CACNB4: variants seen among roughly 807,000 people sequenced by gnomAD.
The protein encoded by CACNB4 is voltage-dependent L-type calcium channel subunit beta-4.
In CACNB4, 32 loss-of-function variants were observed where a neutral mutation model predicts 71.2. That is an observed-to-expected ratio of 0.45 (90% confidence interval 0.34 to 0.60). The LOEUF (loss-of-function observed/expected upper bound fraction) is 0.60, where lower values mean the gene tolerates loss of function less well. Among genes scored for constraint, CACNB4 ranks in the 20% least tolerant of loss-of-function variants. CACNB4 has a pLI of 0.01. For synonymous variants in CACNB4, 231 were observed against 236.9 expected, an observed-to-expected ratio of 0.97 and a Z score of 0.23; for missense variants, 464 against 647.9, an observed-to-expected ratio of 0.72 and a Z score of 3.08.
In CACNB4 at chr2:152,092,200, A is replaced by T. The variant is rs540621290; in HGVS notation, c.147+6130T>A. Among the ~76,000 whole-genome samples the T allele has an allele frequency of 1.7e-4, 26 of 152,342 alleles. No homozygotes were observed. The East Asian group carries it at 4.2e-3, about 25-fold the overall frequency. On this transcript the variant is annotated intron_variant, in intron 2 of 13. Transcript: ENST00000539935. ...AGAGACTGAAGTATTTTCTTTCTGC[A>T]ATCTCTTCCTGTTCTAAAATTCTGT...
chr2:151,840,616 A>T (rs773185192), intron 13 of CACNB4, among the ~76,000 whole-genome samples: 1 of 152,220 alleles, frequency 6.6e-6, no homozygotes, highest in Non-Finnish European at 1.5e-5. Flanking sequence ...TGTGCTGTAC[A>T]TTACCACAGT....
intron 2 of CACNB4, among the ~76,000 whole-genome samples, chr2:151,998,055 G>C (rs1682164280): frequency 6.6e-6 from 1 of 152,096 alleles, no homozygotes; most frequent in South Asian, 2.1e-4. Context: ...GGGCATGGTG[G>C]CTCATGTCTG....
intron 2 of CACNB4, among the ~76,000 whole-genome samples, chr2:152,025,955 T>C (rs1349818637): frequency 1.3e-5 from 2 of 152,348 alleles, no homozygotes; most frequent in African/African-American, 2.4e-5. Context: ...GGTTGCTCCA[T>C]CTATCTCCGT....
At chr2:152,007,595 T>C (rs1402921794) in intron 2 of CACNB4, among the ~76,000 whole-genome samples, 1 of 152,236 alleles carries the variant, frequency 6.6e-6, no homozygotes, top group African/African-American at 2.4e-5. Context: ...ATGTGTATCC[T>C]ACATTTTCTT....
intron 2 of CACNB4, among the ~76,000 whole-genome samples, chr2:152,056,824 G>A (rs1685754930): frequency 6.6e-6 from 1 of 152,150 alleles, no homozygotes; most frequent in Non-Finnish European, 1.5e-5. Flanking sequence ...TATGGATACT[G>A]TTACCTCCAA....
At chr2:152,021,649 C>T (rs1412096127) in intron 2 of CACNB4, among the ~76,000 whole-genome samples, 8 of 152,146 alleles carry the variant, frequency 5.3e-5, no homozygotes, top group African/African-American at 1.7e-4. Flanking sequence ...TTTTCCCCTT[C>T]TCATACGTAT....
intron 2 of CACNB4, among the ~76,000 whole-genome samples, chr2:152,023,392 A>C (rs1429474147): frequency 6.6e-6 from 1 of 152,056 alleles, no homozygotes; most frequent in Admixed American, 6.6e-5. Flanking sequence ...AGTTTGGACA[A>C]AGAGAATGCG....
At chr2:151,989,667 T>C (rs187989490) in intron 2 of CACNB4, among the ~76,000 whole-genome samples, 88 of 152,326 alleles carry the variant, frequency 5.8e-4, no homozygotes, top group African/African-American at 1.9e-3. Flanking sequence ...GATTCATAAA[T>C]AAACACATCC....
chr2:151,943,454 CT>C (rs1421274880), intron 2 of CACNB4, among the ~76,000 whole-genome samples: 2 of 152,060 alleles, frequency 1.3e-5, no homozygotes, highest in African/African-American at 4.8e-5. Context: ...AAGAGGTCTT[CT>C]GGCTAAAATG....
intron 2 of CACNB4, chr2:151,883,807 T>C (rs966236310): frequency 8.0e-6 from 2 of 250,114 alleles, no homozygotes; most frequent in Admixed American, 5.2e-5. Flanking sequence ...AAGATTTCAA[T>C]ATAGTAAAGC....
At chr2:152,075,997 T>A (rs777428587) in intron 2 of CACNB4, among the ~76,000 whole-genome samples, 57 of 152,284 alleles carry the variant, frequency 3.7e-4, no homozygotes, top group Non-Finnish European at 5.7e-4. Flanking sequence ...ATCCCTGAAA[T>A]CCTGTCACCT....
intron 2 of CACNB4, chr2:151,970,503 A>G (rs1438856351): frequency 1.3e-5 from 2 of 152,228 alleles, no homozygotes; most frequent in African/African-American, 4.8e-5. Context: ...CATTTATGAA[A>G]TACACGTACA....
intron 2 of CACNB4, among the ~76,000 whole-genome samples, chr2:152,087,301 A>G (rs1302418113): frequency 6.6e-6 from 1 of 151,456 alleles, no homozygotes; most frequent in Non-Finnish European, 1.5e-5. Context: ...GCATGGTGGC[A>G]CGTACCTGTA....
intron 2 of CACNB4, among the ~76,000 whole-genome samples, chr2:152,085,902 A>G (rs1482218490): frequency 2.0e-5 from 3 of 152,096 alleles, no homozygotes; most frequent in Non-Finnish European, 4.4e-5. Flanking sequence ...CAAATTTTAT[A>G]TTACATTTAT....
chr2:151,843,373 G>A (rs889875420), intron 12 of CACNB4, among the ~76,000 whole-genome samples: 1 of 152,218 alleles, frequency 6.6e-6, no homozygotes, highest in African/African-American at 2.4e-5. Context: ...AGGGTGCACT[G>A]GAGCAAACAC....
At chr2:151,904,238 T>A (rs2099854189) in intron 2 of CACNB4, among the ~76,000 whole-genome samples, 1 of 152,226 alleles carries the variant, frequency 6.6e-6, no homozygotes, top group South Asian at 2.1e-4. Flanking sequence ...CAGCTGTCAT[T>A]AATTTTACTA....
intron 2 of CACNB4, among the ~76,000 whole-genome samples, chr2:151,890,134 C>T (rs937464862): frequency 6.6e-6 from 1 of 152,070 alleles, no homozygotes; most frequent in Non-Finnish European, 1.5e-5. Flanking sequence ...GAAATTATAT[C>T]GCCGAGATAA....
intron 2 of CACNB4, among the ~76,000 whole-genome samples, chr2:151,922,726 A>T (rs567070527): frequency 3.7e-4 from 57 of 152,350 alleles, no homozygotes; most frequent in African/African-American, 1.3e-3. Flanking sequence ...ACTTTCCAAA[A>T]GATATTTACC....
intron 2 of CACNB4, among the ~76,000 whole-genome samples, chr2:151,937,801 G>C (rs2099863296): frequency 6.6e-6 from 1 of 152,136 alleles, no homozygotes; most frequent in Non-Finnish European, 1.5e-5. Flanking sequence ...CTTCTAATTG[G>C]CACACATGAT....
Sources: allele counts gnomAD v4.1 joint callset (sites outside exome capture counted in the v4.1 genomes callset), GRCh38; gene constraint gnomAD v4.1.1; transcripts MANE v1.5; gene names NCBI Gene and HGNC (gene_info 2026-07-23, HGNC 2026-07-21).